The following CHD5 variants were observed in gnomAD, a reference collection of about 807,000 sequenced individuals.
CHD5 encodes chromodomain helicase DNA binding protein 5.
CHD5 carries 69 observed loss-of-function variants against 230.3 expected under a neutral mutation model. That is an observed-to-expected ratio of 0.30 (90% CI 0.25 to 0.37). The LOEUF is 0.37. CHD5 is among the 10% of genes least tolerant of loss of function. The pLI is 1.00. For missense variants in CHD5, 1,827 were observed against 2,622.8 expected (o/e 0.70, Z 6.63); for synonymous variants, 1,064 against 1,065.9 (o/e 1.00, Z 0.03).
intron 15 of CHD5, among the ~76,000 whole-genome samples, chr1:6,137,710 C>T (rs1160609265): frequency 6.6e-6 from 1 of 152,224 alleles, no homozygotes; most frequent in East Asian, 1.9e-4. Context: ...AATGGCATAG[C>T]CAGGATATGA....
chr1:6,166,775 C>A (rs544205978), intron 2 of CHD5, among the ~76,000 whole-genome samples: 50 of 152,242 alleles, frequency 3.3e-4, no homozygotes, highest in African/African-American at 1.0e-3. Flanking sequence ...CCCCCCACCA[C>A]CACCATCTCT....
chr1:6,134,090 G>T lies in CHD5; in HGVS notation c.3144+38C>A, dbSNP rs1277084678. On this transcript the variant is annotated intron_variant, in intron 20 of 41. Transcript: ENST00000262450. This position sits in a 1 kb window ranked among gnomAD's most constrained non-coding sequence, Gnocchi z 6.3. ...ATCAGGGCAGGATGCTCTCTGTGGG[G>T]TGTGGAGCCGGGGCGGGGGTGGGCA... 1.9e-6 allele frequency: 3 copies of T among 1,597,890 alleles called. No homozygotes were observed. Among genetic ancestry groups the T allele is most frequent in the Non-Finnish European group, 2.6e-6 (3 of 1,173,746 alleles).
In CHD5 at chr1:6,129,856, T is replaced by G. The variant is rs1295735333; in HGVS notation, c.3387+348A>C. ...ACCCCCTTCAAAATGGGTGCCCCTC[T>G]GGGTCCCAGGGCTCCCTCTTCCTGC... On this transcript the variant is annotated intron_variant, in intron 22 of 41. Coordinates refer to ENST00000262450, the MANE Select transcript of CHD5 (RefSeq NM_015557.3). This position sits in a 1 kb window ranked among gnomAD's most constrained non-coding sequence, Gnocchi z 6.8. Among the ~76,000 whole-genome samples, 77 of 152,116 alleles carry G rather than the reference T, an allele frequency of 5.1e-4. 1 individual carries two copies. Among genetic ancestry groups the G allele is most frequent in the Non-Finnish European group, 4.7e-4 (32 of 67,972 alleles).
intron 33 of CHD5, among the ~76,000 whole-genome samples, chr1:6,116,905 T>C (rs567293616): frequency 1.3e-5 from 2 of 152,120 alleles, no homozygotes; most frequent in Admixed American, 6.5e-5. Context: ...GAAATAAGCA[T>C]AACAACAAAT....
rs547919695 is a variant in CHD5, at chr1:6,171,795, G to T, written c.80-3518C>A. Among the ~76,000 whole-genome samples, 3 of 152,362 alleles carry T rather than the reference G, an allele frequency of 2.0e-5. No homozygotes were observed. In the East Asian group the frequency reaches 5.8e-4, roughly 29 times the overall value. ...TAAGGTGGCATCCTGCCCGTCCCGG[G>T]TGAGGGGCTCCAGGGAGGAGCAACC... On this transcript the variant is annotated intron_variant, in intron 1 of 41. Transcript: ENST00000262450.
At chr1:6,174,772 T>C (rs1364344685) in intron 1 of CHD5, among the ~76,000 whole-genome samples, 1 of 150,860 alleles carries the variant, frequency 6.6e-6, no homozygotes, top group Non-Finnish European at 1.5e-5. Flanking sequence ...GATGAATTGA[T>C]GGATAGATGG....
chr1:6,151,440 C>T (rs933516949), intron 6 of CHD5, among the ~76,000 whole-genome samples: 1 of 152,220 alleles, frequency 6.6e-6, no homozygotes, highest in Non-Finnish European at 1.5e-5. Context: ...TGCCAAACTC[C>T]TAAACATCCT....
chr1:6,133,445 A>G (rs750144055), intron 20 of CHD5, among the ~76,000 whole-genome samples: 5 of 152,264 alleles, frequency 3.3e-5, no homozygotes, highest in Non-Finnish European at 7.3e-5. Context: ...ACAAGGAGCC[A>G]TAGCCCAGAC....
chr1:6,107,882 AGGGGT>A, intron 38 of CHD5, among the ~76,000 whole-genome samples: 1 of 123,756 alleles, frequency 8.1e-6, no homozygotes, highest in African/African-American at 3.1e-5. Context: ...GGAGGGATGG[AGGGGT>A]GGAAGGATGG....
chr1:6,151,160 A>G lies in CHD5; in HGVS notation c.871-5T>C. ...CTCCCTCTCATCTTCTTCACTCTGC[A>G]GGGGAAGACAGGGTCCTGTGATCCC... On this transcript the variant is annotated splice_polypyrimidine_tract_variant and splice_region_variant and intron_variant, in intron 6 of 41. Coordinates refer to ENST00000262450, the MANE Select transcript of CHD5 (RefSeq NM_015557.3). 1 of 1,601,946 alleles carries G rather than the reference A, an allele frequency of 6.2e-7. No homozygotes were observed. The highest frequency in any genetic ancestry group is 8.5e-7 in the Non-Finnish European group (1 of 1,173,310).
chr1:6,102,054 G>T lies in CHD5; in HGVS notation c.*3420C>A. 2.5e-6 allele frequency: 1 copy of T among 396,470 alleles called. No individual in the cohort carries two copies. 24.6% of individuals were successfully genotyped at this position (396,470 alleles called of 1,614,324 possible). On this transcript the variant is annotated 3_prime_UTR_variant, in exon 42 of 42. Transcript: ENST00000262450. ...GGGGCTGTGCCTGGGGAAAGGGGTC[G>T]GCCCCCTCTTAGCTGGGCCTGGGCC...
chr1:6,163,624 C>T (rs1298332864), intron 2 of CHD5, among the ~76,000 whole-genome samples: 1 of 152,178 alleles, frequency 6.6e-6, no homozygotes, highest in African/African-American at 2.4e-5. Flanking sequence ...AGGGACGGAG[C>T]ATCATCCAGC....
chr1:6,146,157 A>G lies in CHD5; in HGVS notation c.1802+55T>C. On this transcript the variant is annotated intron_variant, in intron 11 of 41. Coordinates refer to ENST00000262450, the MANE Select transcript of CHD5 (RefSeq NM_015557.3). The surrounding 1 kb of genome is among the most constrained non-coding windows in gnomAD (Gnocchi z 5.1). ...CTGCACCCATTTTACAGGGCAAAGA[A>G]GCTGACGTGGCCCGGCCCCAGCGAT... 1 of 1,568,394 alleles carries G rather than the reference A, an allele frequency of 6.4e-7. No individual in the cohort carries two copies. Among genetic ancestry groups the G allele is most frequent in the Non-Finnish European group, 8.7e-7 (1 of 1,145,262 alleles).
chr1:6,143,686 G>T, intron 13 of CHD5, 137 bp downstream of exon 13: 1 of 748,602 alleles, frequency 1.3e-6, no homozygotes, highest in South Asian at 1.7e-5. Flanking sequence ...TAGCCTACAT[G>T]GGCATGACAC....
intron 9 of CHD5, among the ~76,000 whole-genome samples, 164 bp downstream of exon 9, chr1:6,148,690 G>A (rs973077535): frequency 1.3e-5 from 2 of 152,126 alleles, no homozygotes; most frequent in Non-Finnish European, 1.5e-5. Context: ...TATTGTGGAC[G>A]GGGTCTCGAG....
chr1:6,124,541 C>G lies in CHD5; in HGVS notation c.4515G>C (p.Gly1505=). The stretch of plus-strand genomic sequence containing the variant: ...CCTTCTTCCTAACTAGTGACATGAC[C>G]CCGATGCGGGTCAGCACGTGCTGCC... ...LSRQHVLTRI[G]VMSLVRKKVQ... is the part of the protein sequence containing the mutation. Residue 1505 remains glycine (G), a synonymous_variant, in exon 30 of 42, where the codon GGG becomes GGC. Coordinates refer to ENST00000262450, the MANE Select transcript of CHD5 (RefSeq NM_015557.3). 1.2e-6 allele frequency: 2 copies of G among 1,614,078 alleles called. No individual in the cohort carries two copies. Among genetic ancestry groups the G allele is most frequent in the Non-Finnish European group, 1.7e-6 (2 of 1,179,996 alleles).
chr1:6,130,087 C>G lies in CHD5; in HGVS notation c.3387+117G>C, dbSNP rs1221042240. 1.6e-6 allele frequency: 2 copies of G among 1,217,422 alleles called. No homozygotes were observed. The highest frequency in any genetic ancestry group is 2.3e-6 in the Non-Finnish European group (2 of 853,670). 75.4% of individuals were successfully genotyped at this position (1,217,422 alleles called of 1,614,324 possible). A position where few individuals can be genotyped will look rare whatever the true frequency, so the allele number is the denominator to read the frequency against. On this transcript the variant is annotated intron_variant, in intron 22 of 41. Transcript: ENST00000262450. This position sits in a 1 kb window ranked among gnomAD's most constrained non-coding sequence, Gnocchi z 4.9. ...GCCGAGACTCCACGGGGGAGGGAGG[C>G]CCACAGCACCAGGATAGGTGAGGGG...
intron 15 of CHD5, 66 bp from the exon 16 acceptor site, chr1:6,136,931 CA>C: frequency 6.6e-7 from 1 of 1,506,530 alleles, no homozygotes; most frequent in Non-Finnish European, 8.9e-7. Context: ...TCCCAGGAGA[CA>C]AAGAGCCAAG....
In CHD5 at chr1:6,125,417, C is replaced by T. The variant is rs572922715; in HGVS notation, c.4260+107G>A. ...ACCAGACCAAGTTCTGTCCAAGCTCCGCCTCTACCTGGCATGAGACCCGGG... is the reference window on the plus strand; with the variant it reads ...ACCAGACCAAGTTCTGTCCAAGCTCTGCCTCTACCTGGCATGAGACCCGGG... On this transcript the variant is annotated intron_variant, in intron 28 of 41. Coordinates refer to ENST00000262450, the MANE Select transcript of CHD5 (RefSeq NM_015557.3). This position sits in a 1 kb window ranked among gnomAD's most constrained non-coding sequence, Gnocchi z 6.7. The T allele has an allele frequency of 4.5e-6, 6 of 1,338,856 alleles. No homozygotes were observed. Among genetic ancestry groups the T allele is most frequent in the East Asian group, 5.0e-5 (2 of 39,636 alleles). The allele number at this position is 1,338,856 out of a possible 1,614,324, so 82.9% of individuals were successfully genotyped here. A position where few individuals can be genotyped will look rare whatever the true frequency, so the allele number is the denominator to read the frequency against.
Sources: gnomAD v4.1 joint callset for allele counts (sites outside exome capture counted in the v4.1 genomes callset) on GRCh38, gnomAD v4.1.1 for gene constraint, Gnocchi (gnomAD v3.1) non-coding constraint, MANE v1.5 for transcripts, NCBI Gene and HGNC (gene_info 2026-07-23, HGNC 2026-07-21) for gene names.